The following PARVA variants were observed in gnomAD, a reference collection of about 807,000 sequenced individuals.
PARVA encodes the protein parvin alpha.
Under a neutral mutation model 52.6 loss-of-function variants are expected in PARVA, and 25 were observed. That is an observed-to-expected ratio of 0.48 (90% CI 0.35 to 0.66). PARVA has a LOEUF of 0.66. PARVA is among the 30% of genes least tolerant of loss of function. The probability of loss-of-function intolerance (pLI) is 0.01; values close to 1 mark genes in which losing one functional copy is unlikely to be tolerated. For missense variants in PARVA, 373 were observed against 450.9 expected, an observed-to-expected ratio of 0.83 and a Z score of 1.56; for synonymous variants, 185 against 179.1, an observed-to-expected ratio of 1.03 and a Z score of -0.26.
At chr11:12,382,809 T>G (rs1589935436) in intron 1 of PARVA, among the ~76,000 whole-genome samples, 1 of 152,248 alleles carries the variant, frequency 6.6e-6, no homozygotes, top group Non-Finnish European at 1.5e-5. Flanking sequence ...TGTCTTCATC[T>G]ATAAAATGAG....
intron 1 of PARVA, among the ~76,000 whole-genome samples, chr11:12,392,388 C>T (rs1939672301): frequency 6.6e-6 from 1 of 151,880 alleles, no homozygotes; most frequent in Non-Finnish European, 1.5e-5. Flanking sequence ...CTTGCCTCAG[C>T]CTCCCAACTG....
chr11:12,436,587 T>C (rs1165619637), intron 1 of PARVA, among the ~76,000 whole-genome samples: 1 of 152,156 alleles, frequency 6.6e-6, no homozygotes, highest in Non-Finnish European at 1.5e-5. Context: ...CTAAAATTGA[T>C]GTCAGAGGCC....
At position 12,473,968 on chromosome 11, in the gene PARVA, T is replaced by A; in HGVS notation, c.282T>A (p.Leu94=). Residue 94 remains leucine, a synonymous_variant, in exon 3 of 13, where the codon CTT becomes CTA. Coordinates refer to ENST00000334956, the MANE Select transcript of PARVA (RefSeq NM_018222.5). ...VDPNSRSDPK[L]QELMKVLIDW... The stretch of plus-strand genomic sequence containing the variant: ...CAAACTCACGCAGTGACCCCAAGCT[T>A]CAAGAACTGATGAAGGTAAGAAGAA... 1 of 1,578,766 alleles carries A rather than the reference T, an allele frequency of 6.3e-7. No individual in the cohort carries two copies. Among genetic ancestry groups the A allele is most frequent in the Non-Finnish European group, 8.6e-7 (1 of 1,162,346 alleles).
At chr11:12,475,430 T>G (rs372940036) in intron 3 of PARVA, among the ~76,000 whole-genome samples, 1 of 152,236 alleles carries the variant, frequency 6.6e-6, no homozygotes, top group South Asian at 2.1e-4. Context: ...ATGGTGAGCT[T>G]CTTGGGGTTA....
chr11:12,392,282 T>C (rs75964623), intron 1 of PARVA, among the ~76,000 whole-genome samples: 1 of 150,044 alleles, frequency 6.7e-6, no homozygotes, highest in Non-Finnish European at 1.5e-5. Context: ...TTTTTTTTTT[T>C]TCCTGAGACG....
intron 1 of PARVA, among the ~76,000 whole-genome samples, chr11:12,390,562 G>A (rs1319299439): frequency 6.6e-6 from 1 of 152,210 alleles, no homozygotes; most frequent in African/African-American, 2.4e-5. Flanking sequence ...AGCTGAGTAA[G>A]TAAGGGGCAG....
At chr11:12,382,798 G>A (rs1426250626) in intron 1 of PARVA, among the ~76,000 whole-genome samples, 1 of 152,186 alleles carries the variant, frequency 6.6e-6, no homozygotes, top group Non-Finnish European at 1.5e-5. Context: ...GTAAGCCTCT[G>A]TGTCTTCATC....
chr11:12,413,669 T>G (rs760681837), intron 1 of PARVA, among the ~76,000 whole-genome samples: 1 of 152,210 alleles, frequency 6.6e-6, no homozygotes, highest in Non-Finnish European at 1.5e-5. Flanking sequence ...CTCCTCTGCT[T>G]TAACCTCAGT....
intron 1 of PARVA, among the ~76,000 whole-genome samples, chr11:12,424,095 T>C (rs1940192128): frequency 6.6e-6 from 1 of 152,168 alleles, no homozygotes; most frequent in Non-Finnish European, 1.5e-5. Flanking sequence ...TATAACTTTG[T>C]TTCTTTAGGT....
chr11:12,441,063 G>T (rs1269010370), intron 1 of PARVA, among the ~76,000 whole-genome samples: 3 of 152,152 alleles, frequency 2.0e-5, no homozygotes, highest in African/African-American at 7.2e-5. Flanking sequence ...GCCTACCACT[G>T]TATTTTTAAA....
At chr11:12,459,386 CAGAG>C (rs899922878) in intron 1 of PARVA, among the ~76,000 whole-genome samples, 31 of 151,120 alleles carry the variant, frequency 2.1e-4, no homozygotes, top group African/African-American at 6.6e-4. Context: ...GCTTGGGTAA[CAGAG>C]AGAGACCCTG....
At chr11:12,379,109 A>T (rs887751438) in intron 1 of PARVA, among the ~76,000 whole-genome samples, 2 of 152,194 alleles carry the variant, frequency 1.3e-5, no homozygotes, top group Admixed American at 6.5e-5. Flanking sequence ...TGGCATGTGT[A>T]AACTGTCCTG....
intron 1 of PARVA, among the ~76,000 whole-genome samples, chr11:12,410,174 C>A (rs1939973717): frequency 1.3e-5 from 2 of 152,244 alleles, no homozygotes; most frequent in South Asian, 4.1e-4. Context: ...CAGCCCTAGG[C>A]ATCTCCGGGC....
At position 12,492,960 on chromosome 11, in the gene PARVA, G is replaced by T. The variant is rs374009881; in HGVS notation, c.401-3498G>T. On this transcript the variant is annotated intron_variant, in intron 4 of 12. Transcript: ENST00000334956. ...AATATGCAGTTTTGAAAAATAATGA[G>T]TTATATTCATATATTGACCTGAAAA... 1.4e-4 allele frequency among the ~76,000 whole-genome samples: 22 copies of T among 152,134 alleles called. No individual in the cohort carries two copies. In the East Asian group the frequency reaches 3.3e-3, roughly 23 times the overall value.
intron 1 of PARVA, among the ~76,000 whole-genome samples, chr11:12,409,326 G>A (rs757208603): frequency 2.6e-5 from 4 of 152,166 alleles, no homozygotes; most frequent in Non-Finnish European, 5.9e-5. Context: ...CTTAAAATCT[G>A]GGGTTGTGGT....
upstream of PARVA, among the ~76,000 whole-genome samples, chr11:12,376,991 G>A (rs1043124963): frequency 6.6e-6 from 1 of 152,152 alleles, no homozygotes; most frequent in Non-Finnish European, 1.5e-5. Context: ...AAGAAGCCTC[G>A]GCTTTACCCT....
chr11:12,451,137 C>T (rs1168653470), intron 1 of PARVA, among the ~76,000 whole-genome samples: 12 of 152,170 alleles, frequency 7.9e-5, no homozygotes, highest in Admixed American at 7.9e-4. Context: ...CTGATGCTTT[C>T]CTGTGGCTCT....
In PARVA at chr11:12,528,317, T is replaced by C. The variant is rs969237371; in HGVS notation, c.*392T>C. 8 of 190,532 alleles carry C rather than the reference T, an allele frequency of 4.2e-5. No individual in the cohort carries two copies. Among genetic ancestry groups the C allele is most frequent in the Non-Finnish European group, 7.6e-5 (7 of 91,738 alleles). 11.8% of individuals were successfully genotyped at this position (190,532 alleles called of 1,614,324 possible). A position where few individuals can be genotyped will look rare whatever the true frequency, so the allele number is the denominator to read the frequency against. On this transcript the variant is annotated 3_prime_UTR_variant, in exon 13 of 13. Coordinates refer to ENST00000334956, the MANE Select transcript of PARVA (RefSeq NM_018222.5). ...CCACACTAAGTGCTCTGCTCTGATA[T>C]ACTCAAGGCCATTAATCTTCAGGAC...
intron 1 of PARVA, among the ~76,000 whole-genome samples, chr11:12,398,911 A>G (rs370679137): frequency 6.6e-5 from 10 of 152,184 alleles, no homozygotes; most frequent in Non-Finnish European, 1.5e-4. Context: ...GGGCACTTAC[A>G]TAGACCTTAT....
Sources: allele counts gnomAD v4.1 joint callset (sites outside exome capture counted in the v4.1 genomes callset), GRCh38; gene constraint gnomAD v4.1.1; transcripts MANE v1.5; gene names NCBI Gene and HGNC (gene_info 2026-07-23, HGNC 2026-07-21).